Variants in PDE1A observed in about 807,000 individuals in gnomAD.
PDE1A encodes dual specificity calcium/calmodulin-dependent 3',5'-cyclic nucleotide phosphodiesterase 1A.
PDE1A carries 35 observed loss-of-function variants against 61.7 expected under a neutral mutation model. That is an observed-to-expected ratio of 0.57 (90% CI 0.43 to 0.75). PDE1A has a LOEUF of 0.75. Ranked by LOEUF, PDE1A falls within the 30% of genes least tolerant of loss-of-function variation. The pLI is 0.00. For synonymous variants in PDE1A, 232 were observed against 213.2 expected (o/e 1.09, Z -0.77); for missense variants, 597 against 630.6 (o/e 0.95, Z 0.57).
the PDE1A span, among the ~76,000 whole-genome samples, chr2:182,612,537 GA>G: frequency 2.7e-3 from 413 of 151,718 alleles, 2 homozygotes; most frequent in African/African-American, 9.5e-3. Context: ...ATGAAAACAG[GA>G]AAAAAAATGA....
At chr2:182,208,828 G>T (rs1687336991) in intron 7 of PDE1A, among the ~76,000 whole-genome samples, 1 of 152,162 alleles carries the variant, frequency 6.6e-6, no homozygotes, top group Non-Finnish European at 1.5e-5. Flanking sequence ...CTTTGTTTGG[G>T]CCAATTTCTC....
At chr2:182,694,487 C>G in the PDE1A span, among the ~76,000 whole-genome samples, 2 of 152,182 alleles carry the variant, frequency 1.3e-5, no homozygotes, top group African/African-American at 4.8e-5. Context: ...CTACTCTCAT[C>G]TGAGAAATGA....
chr2:182,179,427 A>G lies in PDE1A; in HGVS notation c.1516+6465T>C, dbSNP rs577467180. Among the ~76,000 whole-genome samples, 25 of 152,330 alleles carry G rather than the reference A, an allele frequency of 1.6e-4. No individual in the cohort carries two copies. In the South Asian group the frequency reaches 2.9e-3, roughly 18 times the overall value. On this transcript the variant is annotated intron_variant, in intron 13 of 13. Transcript: ENST00000351439. ...AGTTCCATTTATATTGTTTTAAAACAGACAAAACTAAATTATACATTGTTT... is the reference window on the plus strand; with the variant it reads ...AGTTCCATTTATATTGTTTTAAAACGGACAAAACTAAATTATACATTGTTT...
At chr2:182,575,742 A>G in the PDE1A span, among the ~76,000 whole-genome samples, 1 of 146,116 alleles carries the variant, frequency 6.8e-6, no homozygotes, top group African/African-American at 2.5e-5. Flanking sequence ...TAAAAACTTA[A>G]TACTACATAT....
the PDE1A span, among the ~76,000 whole-genome samples, chr2:182,560,117 G>T: frequency 6.6e-6 from 1 of 151,332 alleles, no homozygotes; most frequent in African/African-American, 2.4e-5. Flanking sequence ...CAATGTGCAG[G>T]TTAGTTACAT....
chr2:182,716,768 T>A, the PDE1A span, among the ~76,000 whole-genome samples: 1 of 152,138 alleles, frequency 6.6e-6, no homozygotes, highest in South Asian at 2.1e-4. Context: ...TCTTCATCTT[T>A]ACCCCTCTCC....
At chr2:182,644,376 T>C in the PDE1A span, among the ~76,000 whole-genome samples, 8 of 150,368 alleles carry the variant, frequency 5.3e-5, no homozygotes, top group Non-Finnish European at 7.4e-5. Context: ...GAGTTTGGGA[T>C]GGTGGTTTCT....
chr2:182,695,211 A>G, the PDE1A span, among the ~76,000 whole-genome samples: 1 of 152,126 alleles, frequency 6.6e-6, no homozygotes, highest in South Asian at 2.1e-4. Context: ...AAGGCTGAGA[A>G]AACTGAAAAA....
chr2:182,658,403 A>G, the PDE1A span, among the ~76,000 whole-genome samples: 11 of 152,212 alleles, frequency 7.2e-5, no homozygotes, highest in South Asian at 2.3e-3. Flanking sequence ...TTAGAAGGAC[A>G]CTGGTCATTA....
intron 1 of PDE1A, among the ~76,000 whole-genome samples, chr2:182,404,183 G>A (rs991744115): frequency 6.6e-6 from 1 of 152,100 alleles, no homozygotes; most frequent in Non-Finnish European, 1.5e-5. Context: ...CAAACCTGAC[G>A]ACTCTGCCTT....
intron 1 of PDE1A, among the ~76,000 whole-genome samples, chr2:182,336,641 A>C (rs1697837019): frequency 6.6e-6 from 1 of 152,134 alleles, no homozygotes; most frequent in Non-Finnish European, 1.5e-5. Context: ...TAGGGGAGGG[A>C]TAGCATTAGG....
In PDE1A at chr2:182,207,889, C is replaced by T. The variant is rs1484727558; in HGVS notation, c.777-1824G>A. 2.6e-5 allele frequency among the ~76,000 whole-genome samples: 4 copies of T among 152,246 alleles called. No individual in the cohort carries two copies. The East Asian group carries it at 7.7e-4, about 29-fold the overall frequency. On this transcript the variant is annotated intron_variant, in intron 7 of 13. Coordinates refer to ENST00000351439, the Ensembl canonical transcript of PDE1A. ...GTCGTGGCTGAAAGAGGACAAGGTA[C>T]AGCTCAGGCCATTGCTTCAGAGGGT...
At chr2:182,143,559 A>G (rs1022773749), downstream of PDE1A, among the ~76,000 whole-genome samples, 2 of 152,054 alleles carry the variant, frequency 1.3e-5, no homozygotes, top group Admixed American at 6.5e-5. Context: ...TCTGTCGCCC[A>G]GGCTGGAGTG....
the PDE1A span, among the ~76,000 whole-genome samples, chr2:182,615,837 A>G: frequency 6.6e-6 from 1 of 152,156 alleles, no homozygotes; most frequent in Admixed American, 6.5e-5. Context: ...TCATCCTTTT[A>G]TCAGAAACCC....
the PDE1A span, among the ~76,000 whole-genome samples, chr2:182,531,248 G>C: frequency 2.6e-5 from 4 of 151,166 alleles, no homozygotes; most frequent in African/African-American, 9.7e-5. Flanking sequence ...GAAAAAACAA[G>C]AAAGCAAAAA....
the PDE1A span, among the ~76,000 whole-genome samples, chr2:182,650,773 C>A: frequency 6.6e-6 from 1 of 152,168 alleles, no homozygotes; most frequent in Admixed American, 6.5e-5. Flanking sequence ...CATTAAAGAA[C>A]TTAAACCATC....
the PDE1A span, among the ~76,000 whole-genome samples, chr2:182,532,241 T>A: frequency 1.3e-5 from 2 of 152,278 alleles, no homozygotes; most frequent in Middle Eastern, 3.4e-3. Context: ...AAGAAGGATA[T>A]TAAATATACC....
intron 1 of PDE1A, among the ~76,000 whole-genome samples, chr2:182,424,622 C>T (rs1282990593): frequency 6.6e-6 from 1 of 152,176 alleles, no homozygotes. Flanking sequence ...AAGCTTAACC[C>T]ACTGCCAGCT....
the PDE1A span, among the ~76,000 whole-genome samples, chr2:182,600,007 C>A: frequency 2.0e-5 from 3 of 152,310 alleles, no homozygotes; most frequent in Non-Finnish European, 4.4e-5. Context: ...GGTCTAGGAG[C>A]ACAATCCTAC....
Sources: gnomAD v4.1 joint callset for allele counts (sites outside exome capture counted in the v4.1 genomes callset) on GRCh38, gnomAD v4.1.1 for gene constraint, MANE v1.5 for transcripts, NCBI Gene and HGNC (gene_info 2026-07-23, HGNC 2026-07-21) for gene names.